The following AFF3 variants were observed in gnomAD, a reference collection of about 807,000 sequenced individuals.
AFF3 encodes the protein ALF transcription elongation factor 3, also known as AF4/FMR2 family member 3.
A neutral mutation model predicts 129.7 loss-of-function variants in AFF3; 32 were observed. The ratio of observed to expected loss-of-function variants is 0.25; its 90% CI spans 0.19 to 0.33. The LOEUF (loss-of-function observed/expected upper bound fraction) is 0.33. AFF3 is among the 10% of genes least tolerant of loss of function. The pLI is 1.00. For synonymous variants in AFF3, 644 were observed against 635.4 expected (o/e 1.01, Z -0.20); for missense variants, 1,373 against 1,592.0 (o/e 0.86, Z 2.34).
chr2:100,130,560 C>A (rs1266920258), intron 1 of AFF3, among the ~76,000 whole-genome samples: 1 of 152,240 alleles, frequency 6.6e-6, no homozygotes, highest in Non-Finnish European at 1.5e-5. Context: ...CACATCACTG[C>A]CTGCCCAAAT....
At position 100,067,178 on chromosome 2, in the gene AFF3, G is replaced by C. The variant is rs543417684; in HGVS notation, c.53+37224C>G. 8.3e-4 allele frequency among the ~76,000 whole-genome samples: 94 copies of C among 113,590 alleles called. 1 individual carries two copies. Among genetic ancestry groups the C allele is most frequent in the Middle Eastern group, 4.5e-3 (1 of 220 alleles). The allele number at this position is 113,590 out of a possible 152,430, so 74.5% of individuals were successfully genotyped here. A position where few individuals can be genotyped will look rare whatever the true frequency, so the allele number is the denominator to read the frequency against. On this transcript the variant is annotated intron_variant, in intron 4 of 24. Transcript: ENST00000672756. ...TAAGATCTGTTCATGCTTCCACATA[G>C]TTAAAAAAAAAAAAAAAAAGGTGGG...
intron 18 of AFF3, among the ~76,000 whole-genome samples, chr2:99,573,061 G>A (rs1457473063): frequency 1.3e-5 from 2 of 152,168 alleles, no homozygotes; most frequent in Admixed American, 6.5e-5. Flanking sequence ...TAAGTGGGGC[G>A]GGTGTTGAAT....
intron 10 of AFF3, among the ~76,000 whole-genome samples, chr2:99,731,375 G>A (rs1296028243): frequency 6.6e-6 from 1 of 152,086 alleles, no homozygotes; most frequent in Non-Finnish European, 1.5e-5. Flanking sequence ...TATTAGTTCT[G>A]TTATTATTTT....
intron 13 of AFF3, among the ~76,000 whole-genome samples, chr2:99,623,983 A>G (rs1682303797): frequency 6.6e-6 from 1 of 152,244 alleles, no homozygotes; most frequent in East Asian, 1.9e-4. Flanking sequence ...AAGGATTTCA[A>G]TATGCCAACC....
chr2:100,129,429 T>G (rs2105583343), intron 1 of AFF3, 123 bp from the exon 2 acceptor site: 1 of 152,112 alleles, frequency 6.6e-6, no homozygotes, highest in South Asian at 2.1e-4. Flanking sequence ...TACATATTCA[T>G]GTATAAAACA....
At chr2:100,063,985 A>G (rs1329705055) in intron 4 of AFF3, among the ~76,000 whole-genome samples, 1 of 152,074 alleles carries the variant, frequency 6.6e-6, no homozygotes, top group Non-Finnish European at 1.5e-5. Context: ...GCTACTCGGG[A>G]GGCTGAGGCA....
At chr2:99,672,651 A>G in intron 11 of AFF3, 62 bp from the exon 12 acceptor site, 1 of 1,489,082 alleles carries the variant, frequency 6.7e-7, no homozygotes, top group Non-Finnish European at 9.4e-7. Flanking sequence ...AGAATAATTC[A>G]GCACCAAAAT....
At position 99,696,977 on chromosome 2, in the gene AFF3, C is replaced by A. The variant is rs191091399; in HGVS notation, c.1092-24388G>T. ...AATTCTTGATGGCTATAGGCAGGGA[C>A]CTGCCAGCCTTGCAGTTTCCTTTGC... On this transcript the variant is annotated intron_variant, in intron 11 of 24. Transcript: ENST00000672756. Among the ~76,000 whole-genome samples, 62 of 152,282 alleles carry A rather than the reference C, an allele frequency of 4.1e-4. No individual in the cohort carries two copies. In the Middle Eastern group the frequency reaches 0.01, roughly 25 times the overall value.
At chr2:99,964,171 A>T (rs1677504051) in intron 7 of AFF3, among the ~76,000 whole-genome samples, 1 of 152,142 alleles carries the variant, frequency 6.6e-6, no homozygotes, top group Non-Finnish European at 1.5e-5. Flanking sequence ...AGGGGACTTA[A>T]ATACCCTACT....
At position 99,661,377 on chromosome 2, in the gene AFF3, C is replaced by A. The variant is rs1232445500; in HGVS notation, c.1143+11161G>T. ...CATTAACAAAAACTTCGCTTACTTT[C>A]AAAAATGTAGATCCTTTTATGAATT... On this transcript the variant is annotated intron_variant, in intron 12 of 24. Coordinates refer to ENST00000672756, the MANE Select transcript of AFF3 (RefSeq NM_001386135.1). Among the ~76,000 whole-genome samples the A allele has an allele frequency of 3.3e-5, 5 of 152,328 alleles. No individual in the cohort carries two copies. In the South Asian group the frequency reaches 6.2e-4, roughly 19 times the overall value.
At chr2:99,614,298 T>C (rs1368256882) in intron 13 of AFF3, among the ~76,000 whole-genome samples, 1 of 152,226 alleles carries the variant, frequency 6.6e-6, no homozygotes. Flanking sequence ...AGGAGGTCCA[T>C]AAACTTGGAC....
intron 7 of AFF3, among the ~76,000 whole-genome samples, chr2:100,000,401 G>A (rs893138900): frequency 3.3e-5 from 5 of 152,012 alleles, no homozygotes; most frequent in African/African-American, 9.7e-5. Flanking sequence ...GAAGAATTAC[G>A]CTCACTACTC....
At chr2:99,632,685 G>A (rs186696509) in intron 13 of AFF3, among the ~76,000 whole-genome samples, 1 of 152,316 alleles carries the variant, frequency 6.6e-6, no homozygotes, top group East Asian at 1.9e-4. Flanking sequence ...CTCACTGAAA[G>A]ATAGAAGAAA....
intron 13 of AFF3, among the ~76,000 whole-genome samples, chr2:99,630,421 G>T (rs563412039): frequency 4.6e-4 from 70 of 152,238 alleles, no homozygotes; most frequent in African/African-American, 1.6e-3. Context: ...ATAGAGATTA[G>T]GCCAGAGTGG....
intron 11 of AFF3, among the ~76,000 whole-genome samples, chr2:99,676,521 T>G (rs1687617202): frequency 1.3e-5 from 2 of 152,324 alleles, no homozygotes; most frequent in Non-Finnish European, 2.9e-5. Context: ...AATCCTTGGA[T>G]AGTGCTAAGC....
intron 12 of AFF3, among the ~76,000 whole-genome samples, chr2:99,664,978 T>C (rs1686550906): frequency 6.6e-6 from 1 of 152,246 alleles, no homozygotes; most frequent in Non-Finnish European, 1.5e-5. Flanking sequence ...GTGAAAGTTA[T>C]GCTGTGCCTC....
intron 7 of AFF3, among the ~76,000 whole-genome samples, chr2:99,852,076 G>C (rs947417178): frequency 8.6e-5 from 13 of 152,040 alleles, no homozygotes; most frequent in African/African-American, 2.9e-4. Flanking sequence ...ACCGCCCTCT[G>C]AGCCAAGCAG....
At chr2:100,118,975 A>G (rs1691841815) in intron 2 of AFF3, among the ~76,000 whole-genome samples, 1 of 151,780 alleles carries the variant, frequency 6.6e-6, no homozygotes, top group Admixed American at 6.6e-5. Context: ...TAATTTTTGT[A>G]TTTTTAGCAG....
intron 8 of AFF3, among the ~76,000 whole-genome samples, chr2:99,788,378 G>A (rs1057187998): frequency 3.9e-5 from 6 of 152,174 alleles, no homozygotes; most frequent in African/African-American, 1.4e-4. Context: ...AGATGTGGAG[G>A]TGGAGGGCTG....
Sources: gnomAD v4.1 joint callset for allele counts (sites outside exome capture counted in the v4.1 genomes callset) on GRCh38, gnomAD v4.1.1 for gene constraint, MANE v1.5 for transcripts, NCBI Gene and HGNC (gene_info 2026-07-23, HGNC 2026-07-21) for gene names.